The following PRKAG1 variants were observed in gnomAD, a reference collection of about 807,000 sequenced individuals.
The protein encoded by PRKAG1 is protein kinase AMP-activated non-catalytic subunit gamma 1, also known as 5'-AMP-activated protein kinase subunit gamma-1.
In PRKAG1, 27 loss-of-function variants were observed where a neutral mutation model predicts 48.2. That is an observed-to-expected ratio of 0.56 (90% confidence interval 0.41 to 0.77). The LOEUF is 0.77. Among genes scored for constraint, PRKAG1 ranks in the 30% least tolerant of loss-of-function variants. PRKAG1 has a pLI of 0.00. For synonymous variants in PRKAG1, 130 were observed against 147.7 expected, an observed-to-expected ratio of 0.88 and a Z score of 0.87; for missense variants, 287 against 398.3, an observed-to-expected ratio of 0.72 and a Z score of 2.38.
chr12:49,004,114 AC>A (rs757890841), intron 8 of PRKAG1, 192 bp from the exon 9 acceptor site: 3 of 687,766 alleles, frequency 4.4e-6, no homozygotes, highest in Non-Finnish European at 4.5e-6. Flanking sequence ...ACATGGCAAA[AC>A]CCTATCTCTA....
At chr12:49,017,046 C>A in intron 1 of PRKAG1, 1 of 439,144 alleles carries the variant, frequency 2.3e-6, no homozygotes, top group South Asian at 1.6e-5. Context: ...TCTCCTAGGT[C>A]CAAAGTAATT....
intron 2 of PRKAG1, among the ~76,000 whole-genome samples, chr12:49,007,269 A>G (rs1941579335): frequency 2.0e-5 from 3 of 149,498 alleles, no homozygotes; most frequent in Non-Finnish European, 4.4e-5. Flanking sequence ...CCTGGGCGAC[A>G]GAGTGAGACT....
At chr12:49,008,293 T>C (rs915754780) in intron 2 of PRKAG1, 4 of 152,350 alleles carry the variant, frequency 2.6e-5, no homozygotes, top group Admixed American at 6.5e-5. Flanking sequence ...ATTTTCTATG[T>C]ATAATTCTTA....
At chr12:49,007,600 C>A (rs770253342) in intron 2 of PRKAG1, among the ~76,000 whole-genome samples, 3 of 152,130 alleles carry the variant, frequency 2.0e-5, no homozygotes, top group Non-Finnish European at 4.4e-5. Context: ...CCCTGTACTA[C>A]CCTTCCCCAG....
At chr12:49,018,709 G>T (rs200865193) in intron 1 of PRKAG1, 23 bp downstream of exon 1, 1 of 1,613,386 alleles carries the variant, frequency 6.2e-7, no homozygotes, top group Non-Finnish European at 8.5e-7. Flanking sequence ...CAGCGCCCCC[G>T]ACCGCCCTCC....
Position 49,005,060 on chromosome 12 carries a change from A to G in PRKAG1, c.356-42T>C. On this transcript the variant is annotated intron_variant, in intron 6 of 11. Coordinates refer to ENST00000548065, the MANE Select transcript of PRKAG1 (RefSeq NM_002733.5). This position sits in a 1 kb window ranked among gnomAD's most constrained non-coding sequence, Gnocchi z 4.1. ...TGGGTCACAAAATACCACCATGGAA[A>G]AGTGTTTCCCAGAAACCCGCCATCC... 2.5e-6 allele frequency: 4 copies of G among 1,613,370 alleles called. No individual in the cohort carries two copies. In the South Asian group the frequency reaches 3.3e-5, roughly 13 times the overall value.
intron 2 of PRKAG1, among the ~76,000 whole-genome samples, chr12:49,012,199 G>A (rs1221121397): frequency 6.6e-6 from 1 of 151,972 alleles, no homozygotes; most frequent in Non-Finnish European, 1.5e-5. Flanking sequence ...TTCACTGCTT[G>A]GTCCATGTAG....
At chr12:49,017,205 TTTC>T (rs1389903800) in intron 1 of PRKAG1, 5 of 455,424 alleles carry the variant, frequency 1.1e-5, no homozygotes, top group African/African-American at 4.0e-5. Context: ...TTTTCTTTCT[TTTC>T]TTTTTTTTTG....
Position 49,004,588 on chromosome 12 carries a change from C to T in PRKAG1, c.456G>A (p.Arg152=), listed in dbSNP as rs892696080. 3.7e-6 allele frequency: 6 copies of T among 1,614,054 alleles called. No individual in the cohort carries two copies. Among genetic ancestry groups the T allele is most frequent in the Non-Finnish European group, 5.1e-6 (6 of 1,179,988 alleles). The change falls in exon 8 of 12, where the codon AGG becomes AGA. Residue 152 remains arginine, a synonymous_variant. Transcript: ENST00000548065. ...VSSLIRNKIH[R]LPVIDPESGN... ...CTGATTCTGGGTCAATAACTGGCAG[C>T]CTGTGGATCTTGTTCCGAATTAATG...
chr12:49,010,769 GTT>G (rs1306981693), intron 2 of PRKAG1, among the ~76,000 whole-genome samples: 1 of 151,612 alleles, frequency 6.6e-6, no homozygotes, highest in African/African-American at 2.4e-5. Flanking sequence ...CCTATGGTGT[GTT>G]TGTGTCTTTT....
At chr12:49,007,575 C>G (rs1272151612) in intron 2 of PRKAG1, among the ~76,000 whole-genome samples, 1 of 152,080 alleles carries the variant, frequency 6.6e-6, no homozygotes, top group Non-Finnish European at 1.5e-5. Context: ...AAATTGCACT[C>G]CTTGCAACCC....
chr12:49,008,779 T>G (rs80257979), intron 2 of PRKAG1, among the ~76,000 whole-genome samples: 3,849 of 152,278 alleles, frequency 0.025, 80 homozygotes, highest in Non-Finnish European at 0.036. Flanking sequence ...GCTGCTGGTG[T>G]TGTTGAGAGT....
At position 49,018,742 on chromosome 12, in the gene PRKAG1, G is replaced by A. The variant is rs1484683671; in HGVS notation, c.-2C>T. 1 of 1,612,874 alleles carries A rather than the reference G, an allele frequency of 6.2e-7. No individual in the cohort carries two copies. The highest frequency in any genetic ancestry group is 1.7e-5 in the Admixed American group (1 of 60,006). On this transcript the variant is annotated 5_prime_UTR_variant, in exon 1 of 12. Coordinates refer to ENST00000548065, the MANE Select transcript of PRKAG1 (RefSeq NM_002733.5). ...TCCTGCACTCCTCACCGTCTCCATT[G>A]CAAGAGGCGCCCGGCTTGGTTTCCT...
intron 8 of PRKAG1, 30 bp downstream of exon 8, chr12:49,004,477 G>GA (rs745996118): frequency 6.2e-7 from 1 of 1,607,288 alleles, no homozygotes; most frequent in South Asian, 1.1e-5. Flanking sequence ...TGAAAAAAGA[G>GA]AAAAAAGAAC....
At position 49,013,752 on chromosome 12, in the gene PRKAG1, T is replaced by C. The variant is rs75578409; in HGVS notation, c.10-642A>G. Among the ~76,000 whole-genome samples the C allele has an allele frequency of 2.8e-3, 419 of 152,320 alleles. 3 individuals carry two copies. Among genetic ancestry groups the C allele is most frequent in the Admixed American group, 4.2e-3 (64 of 15,294 alleles). ...AGCTTGTGGTTTGCTTTTGTTTACA[T>C]CAAAATTTTAATAAATAACATACTT... On this transcript the variant is annotated intron_variant, in intron 1 of 11. Coordinates refer to ENST00000548065, the MANE Select transcript of PRKAG1 (RefSeq NM_002733.5).
In PRKAG1 at chr12:49,018,770, C is replaced by G. The variant is rs930207242; in HGVS notation, c.-30G>C. On this transcript the variant is annotated 5_prime_UTR_variant, in exon 1 of 12. Coordinates refer to ENST00000548065, the MANE Select transcript of PRKAG1 (RefSeq NM_002733.5). Reference sequence around the variant, plus strand: ...AGAGGCGCCCGGCTTGGTTTCCTCGCTTTAGGAAACTCTCTTGGGGCAGGC... The same window carrying G: ...AGAGGCGCCCGGCTTGGTTTCCTCGGTTTAGGAAACTCTCTTGGGGCAGGC... The G allele has an allele frequency of 6.2e-7, 1 of 1,612,174 alleles. No homozygotes were observed. Among genetic ancestry groups the G allele is most frequent in the Admixed American group, 1.7e-5 (1 of 60,004 alleles).
rs1941597367 is a variant in PRKAG1, at chr12:49,007,658, CTA to C, written c.59-1808_59-1807del. ...TAGTTGATTATTTTGGTACTTAATT[CTA>C]TGTCCTTAAATAACATGCTTGTATT... On this transcript the variant is annotated intron_variant, in intron 2 of 11. Transcript: ENST00000548065. Among the ~76,000 whole-genome samples the C allele has an allele frequency of 2.0e-5, 3 of 152,088 alleles. No homozygotes were observed. The South Asian group carries it at 6.2e-4, about 32-fold the overall frequency.
At chr12:49,018,525 G>T in intron 1 of PRKAG1, 1 of 1,433,340 alleles carries the variant, frequency 7.0e-7, no homozygotes, top group Non-Finnish European at 9.1e-7. Context: ...ACCGCGTACG[G>T]AAAGGCGGCG....
intron 1 of PRKAG1, among the ~76,000 whole-genome samples, chr12:49,016,135 C>T (rs916097572): frequency 1.2e-4 from 19 of 152,026 alleles, no homozygotes; most frequent in South Asian, 4.1e-4. Flanking sequence ...GATGGGGTCT[C>T]GCTATGTTGA....
Sources: allele counts gnomAD v4.1 joint callset (sites outside exome capture counted in the v4.1 genomes callset), GRCh38; gene constraint gnomAD v4.1.1; non-coding constraint Gnocchi (gnomAD v3.1); transcripts MANE v1.5; gene names NCBI Gene and HGNC (gene_info 2026-07-23, HGNC 2026-07-21).